COL14A1: variants seen among roughly 807,000 people sequenced by gnomAD.
COL14A1 encodes the protein collagen alpha-1(XIV) chain.
Under a neutral mutation model 230.3 loss-of-function variants are expected in COL14A1, and 136 were observed. The observed-to-expected ratio is 0.59, with a 90% CI of 0.51 to 0.68. The LOEUF is 0.68. Ranked by LOEUF, COL14A1 falls within the 30% of genes least tolerant of loss-of-function variation. The pLI is 0.00. For synonymous variants in COL14A1, 792 were observed against 784.1 expected, an observed-to-expected ratio of 1.01 and a Z score of -0.17; for missense variants, 1,976 against 2,215.8, an observed-to-expected ratio of 0.89 and a Z score of 2.17.
intron 40 of COL14A1, among the ~76,000 whole-genome samples, chr8:120,322,877 C>T (rs1821507228): frequency 6.6e-6 from 1 of 152,176 alleles, no homozygotes; most frequent in Non-Finnish European, 1.5e-5. Flanking sequence ...ATGCATGTGT[C>T]TTTATAATAG....
At chr8:120,367,096 A>G in intron 45 of COL14A1, 75 bp from the exon 46 acceptor site, 1 of 1,249,604 alleles carries the variant, frequency 8.0e-7, no homozygotes. Flanking sequence ...GCACTTTCGA[A>G]CTCCAGAAAA....
intron 1 of COL14A1, among the ~76,000 whole-genome samples, chr8:120,133,547 T>TACTACATAACTACTA (rs2130392172): frequency 6.6e-6 from 1 of 152,276 alleles, no homozygotes; most frequent in East Asian, 1.9e-4. Flanking sequence ...AGGATATTCT[T>TACTACATAACTACTA]CATAACTACT....
At position 120,334,178 on chromosome 8, in the gene COL14A1, A is replaced by G. The variant is rs938205843; in HGVS notation, c.4785+1443A>G. 2.6e-5 allele frequency among the ~76,000 whole-genome samples: 4 copies of G among 152,240 alleles called. No homozygotes were observed. In the East Asian group the frequency reaches 5.8e-4, roughly 22 times the overall value. ...CTTGTTCCTCTTATTCTTGAAACTC[A>G]TTTTAATAAAATTATTTCATCCTCA... is the stretch of plus-strand genomic sequence containing the variant. On this transcript the variant is annotated intron_variant, in intron 42 of 47. Transcript: ENST00000297848.
At chr8:120,217,124 G>A (rs1817776075) in intron 14 of COL14A1, among the ~76,000 whole-genome samples, 2 of 152,180 alleles carry the variant, frequency 1.3e-5, no homozygotes, top group South Asian at 2.1e-4. Flanking sequence ...CCTGCCACAG[G>A]GGATGGGGGT....
At chr8:120,362,532 G>A (rs958715926) in intron 45 of COL14A1, among the ~76,000 whole-genome samples, 11 of 152,160 alleles carry the variant, frequency 7.2e-5, no homozygotes, top group African/African-American at 2.7e-4. Context: ...CTGATTTTGT[G>A]GGCCAGAAAA....
intron 19 of COL14A1, among the ~76,000 whole-genome samples, chr8:120,240,055 T>C (rs1314692550): frequency 1.3e-5 from 2 of 152,088 alleles, no homozygotes; most frequent in African/African-American, 4.8e-5. Flanking sequence ...ATTTTTGACA[T>C]AGTTGGACAC....
chr8:120,166,368 A>G (rs898421468), intron 4 of COL14A1, among the ~76,000 whole-genome samples: 2 of 152,236 alleles, frequency 1.3e-5, no homozygotes, highest in Non-Finnish European at 2.9e-5. Context: ...TGCTGAGGCA[A>G]CATAAAATTT....
At chr8:120,254,363 G>T (rs1016764814) in intron 22 of COL14A1, among the ~76,000 whole-genome samples, 1 of 152,048 alleles carries the variant, frequency 6.6e-6, no homozygotes, top group Non-Finnish European at 1.5e-5. Flanking sequence ...AAAATAATTT[G>T]TGTTATCTCT....
rs544573136 is a variant in COL14A1, at chr8:120,358,743, A to G, written c.5078-8428A>G. 2.0e-5 allele frequency among the ~76,000 whole-genome samples: 3 copies of G among 152,222 alleles called. No homozygotes were observed. The East Asian group carries it at 5.8e-4, about 29-fold the overall frequency. ...TCTAAATTTTCAAGCCTTGAACATA[A>G]GTAAAATGGAAATATAATGTAGTTT... is the stretch of plus-strand genomic sequence containing the variant. On this transcript the variant is annotated intron_variant, in intron 45 of 47. Coordinates refer to ENST00000297848, the MANE Select transcript of COL14A1 (RefSeq NM_021110.4).
intron 1 of COL14A1, among the ~76,000 whole-genome samples, chr8:120,143,488 C>T (rs112293756): frequency 0.061 from 9,232 of 151,956 alleles, 374 homozygotes; most frequent in East Asian, 0.12. Context: ...AAAAATTGGC[C>T]GGGCGTGGTG....
At chr8:120,159,713 T>C (rs371918307) in intron 3 of COL14A1, among the ~76,000 whole-genome samples, 1 of 152,108 alleles carries the variant, frequency 6.6e-6, no homozygotes, top group Non-Finnish European at 1.5e-5. Context: ...TTTTTGAGAC[T>C]GAGTTTCGCT....
chr8:120,298,509 C>T (rs1191660226), intron 35 of COL14A1, among the ~76,000 whole-genome samples: 4 of 147,718 alleles, frequency 2.7e-5, no homozygotes, highest in African/African-American at 5.0e-5. Flanking sequence ...ATATAATACA[C>T]ATAAATTGGA....
intron 2 of COL14A1, among the ~76,000 whole-genome samples, chr8:120,153,331 T>A (rs1478236717): frequency 1.3e-5 from 2 of 152,098 alleles, no homozygotes; most frequent in Non-Finnish European, 2.9e-5. Flanking sequence ...CACAGGCCCA[T>A]GCAACCACAC....
chr8:120,231,769 C>A, intron 19 of COL14A1, 151 bp downstream of exon 19: 5 of 775,924 alleles, frequency 6.4e-6, no homozygotes, highest in Non-Finnish European at 7.7e-6. Context: ...TCTGACTCCA[C>A]TACTGGCTTC....
At position 120,209,919 on chromosome 8, in the gene COL14A1, A is replaced by G; in HGVS notation, c.1467+18A>G. 1 of 1,550,264 alleles carries G rather than the reference A, an allele frequency of 6.5e-7. No individual in the cohort carries two copies. The highest frequency in any genetic ancestry group is 8.7e-7 in the Non-Finnish European group (1 of 1,153,794). On this transcript the variant is annotated intron_variant, in intron 12 of 47. Coordinates refer to ENST00000297848, the MANE Select transcript of COL14A1 (RefSeq NM_021110.4). Reference sequence around the variant, plus strand: ...AAAAAGAGGTAACCACTTCCTACCTATTACAGTCCTAGAATCTTTTATTTC... The same window carrying G: ...AAAAAGAGGTAACCACTTCCTACCTGTTACAGTCCTAGAATCTTTTATTTC...
intron 1 of COL14A1, among the ~76,000 whole-genome samples, chr8:120,133,140 C>T (rs1216192013): frequency 3.3e-5 from 5 of 151,314 alleles, no homozygotes; most frequent in South Asian, 2.1e-4. Context: ...GGCGTGAACC[C>T]GGGAGGCGGA....
At chr8:120,128,180 C>A (rs1298326159) in intron 1 of COL14A1, among the ~76,000 whole-genome samples, 1 of 151,710 alleles carries the variant, frequency 6.6e-6, no homozygotes, top group African/African-American at 2.4e-5. Context: ...TTGTTGTAGA[C>A]CAAACTGCAT....
chr8:120,297,317 G>A (rs982397628), intron 34 of COL14A1, among the ~76,000 whole-genome samples, 194 bp from the exon 35 acceptor site: 1 of 151,888 alleles, frequency 6.6e-6, no homozygotes, highest in Admixed American at 6.6e-5. Context: ...ATGAATAATT[G>A]TAGACAAAAT....
intron 22 of COL14A1, among the ~76,000 whole-genome samples, chr8:120,253,632 T>C (rs1275014293): frequency 6.6e-6 from 1 of 152,176 alleles, no homozygotes; most frequent in African/African-American, 2.4e-5. Context: ...ATAAAAGTTA[T>C]ATAAATCAGG....
Sources: gnomAD v4.1 joint callset for allele counts (sites outside exome capture counted in the v4.1 genomes callset) on GRCh38, gnomAD v4.1.1 for gene constraint, MANE v1.5 for transcripts, NCBI Gene and HGNC (gene_info 2026-07-23, HGNC 2026-07-21) for gene names.